RRAS2: variants seen among roughly 807,000 people sequenced by gnomAD.
RRAS2 encodes ras-related protein R-Ras2.
RRAS2 carries 7 observed loss-of-function variants against 27.6 expected under a neutral mutation model. The ratio of observed to expected loss-of-function variants is 0.25; its 90% CI spans 0.14 to 0.48. RRAS2 has a LOEUF of 0.48. Ranked by LOEUF, RRAS2 falls within the 20% of genes least tolerant of loss-of-function variation. RRAS2 has a pLI of 0.99. For missense variants in RRAS2, 178 were observed against 256.2 expected (o/e 0.69, Z 2.08); for synonymous variants, 86 against 90.9 (o/e 0.95, Z 0.31).
intron 4 of RRAS2, among the ~76,000 whole-genome samples, chr11:14,288,736 G>A (rs11023178): frequency 0.27 from 40,741 of 152,032 alleles, 6,172 homozygotes; most frequent in East Asian, 0.37. Context: ...CAAAAACACA[G>A]GTAGCAGCAG....
chr11:14,361,374 T>G (rs1849189423), upstream of RRAS2, among the ~76,000 whole-genome samples: 1 of 151,984 alleles, frequency 6.6e-6, no homozygotes, highest in South Asian at 2.1e-4. Context: ...CACAAAATCA[T>G]AAGCAAAACA....
chr11:14,300,888 C>T (rs782545647), intron 1 of RRAS2, among the ~76,000 whole-genome samples: 1 of 152,108 alleles, frequency 6.6e-6, no homozygotes, highest in Non-Finnish European at 1.5e-5. Flanking sequence ...AGTGTAGTTC[C>T]CAAACACTGC....
intron 1 of RRAS2, chr11:14,342,053 T>A (rs1347634595): frequency 2.8e-6 from 2 of 719,104 alleles, no homozygotes; most frequent in African/African-American, 3.8e-5. Context: ...TAGCCATCAA[T>A]TGCAGTTTTA....
intron 1 of RRAS2, among the ~76,000 whole-genome samples, chr11:14,301,998 A>C (rs1216398217): frequency 6.6e-6 from 1 of 151,380 alleles, no homozygotes; most frequent in African/African-American, 2.4e-5. Context: ...AAAATAAATA[A>C]ATAAAATTCA....
At chr11:14,355,157 A>AT (rs1433712016) in intron 1 of RRAS2, among the ~76,000 whole-genome samples, 3 of 152,014 alleles carry the variant, frequency 2.0e-5, no homozygotes, top group African/African-American at 7.3e-5. Context: ...AGTTAAATGA[A>AT]TAAAAAAAAA....
chr11:14,342,983 T>C (rs2134025298), intron 1 of RRAS2, among the ~76,000 whole-genome samples: 1 of 152,310 alleles, frequency 6.6e-6, no homozygotes, highest in East Asian at 1.9e-4. Context: ...AGTAATAATG[T>C]ATAGAATATT....
intron 4 of RRAS2, among the ~76,000 whole-genome samples, chr11:14,287,624 C>T (rs1211149504): frequency 6.6e-6 from 1 of 151,982 alleles, no homozygotes; most frequent in Non-Finnish European, 1.5e-5. Context: ...GTAATCCAAA[C>T]ACTTTGGGAG....
chr11:14,310,666 G>C (rs532151306), intron 1 of RRAS2, among the ~76,000 whole-genome samples: 1 of 152,280 alleles, frequency 6.6e-6, no homozygotes, highest in Admixed American at 6.5e-5. Context: ...GAAAGATTAA[G>C]TAGGGTGACC....
intron 1 of RRAS2, among the ~76,000 whole-genome samples, chr11:14,345,796 C>A (rs759223608): frequency 5.3e-5 from 8 of 152,186 alleles, no homozygotes; most frequent in Non-Finnish European, 1.0e-4. Context: ...TACTGATAAT[C>A]TCCAAGAAAC....
intron 1 of RRAS2, among the ~76,000 whole-genome samples, chr11:14,347,519 A>G (rs951441787): frequency 1.3e-5 from 2 of 152,176 alleles, no homozygotes; most frequent in Non-Finnish European, 2.9e-5. Flanking sequence ...ATGTATGTTT[A>G]AAAATATAAA....
intron 1 of RRAS2, among the ~76,000 whole-genome samples, chr11:14,315,388 T>C (rs1848076752): frequency 2.0e-5 from 3 of 152,202 alleles, no homozygotes. Context: ...ACTAGACACA[T>C]TCTAATAGAG....
At chr11:14,321,991 T>C (rs1350980502) in intron 1 of RRAS2, among the ~76,000 whole-genome samples, 1 of 152,166 alleles carries the variant, frequency 6.6e-6, no homozygotes, top group Non-Finnish European at 1.5e-5. Flanking sequence ...AATAAATCTA[T>C]TGACTATATA....
intron 1 of RRAS2, among the ~76,000 whole-genome samples, chr11:14,301,192 G>C (rs1430432864): frequency 1.3e-5 from 2 of 152,208 alleles, no homozygotes; most frequent in Admixed American, 1.3e-4. Flanking sequence ...GAAAAATACT[G>C]AATCTGGGCA....
intron 4 of RRAS2, among the ~76,000 whole-genome samples, chr11:14,290,923 T>C (rs1849794909): frequency 6.6e-6 from 1 of 152,214 alleles, no homozygotes; most frequent in Non-Finnish European, 1.5e-5. Flanking sequence ...TTGTAGCATG[T>C]TGTATGCTGA....
At chr11:14,350,752 G>C (rs1184017461) in intron 1 of RRAS2, among the ~76,000 whole-genome samples, 1 of 152,002 alleles carries the variant, frequency 6.6e-6, no homozygotes, top group African/African-American at 2.4e-5. Flanking sequence ...TTATGAATTT[G>C]TCTTGGGCCA....
At chr11:14,283,751 T>C (rs995343442) in intron 4 of RRAS2, among the ~76,000 whole-genome samples, 1 of 152,234 alleles carries the variant, frequency 6.6e-6, no homozygotes, top group Non-Finnish European at 1.5e-5. Context: ...AAAGTGAAGA[T>C]ACCGCTCTCA....
chr11:14,340,662 C>T (rs2134022195), intron 1 of RRAS2, among the ~76,000 whole-genome samples: 1 of 152,276 alleles, frequency 6.6e-6, no homozygotes, highest in South Asian at 2.1e-4. Flanking sequence ...GAGTTAGACC[C>T]TTAGTTCAGT....
intron 1 of RRAS2, among the ~76,000 whole-genome samples, chr11:14,334,859 C>G (rs979994853): frequency 2.0e-5 from 3 of 152,192 alleles, no homozygotes; most frequent in African/African-American, 4.8e-5. Flanking sequence ...AAGACACCTT[C>G]TTTTTCTAAA....
In RRAS2 at chr11:14,283,786, T is replaced by A. The variant is rs568013853; in HGVS notation, c.409-2066A>T. Among the ~76,000 whole-genome samples the A allele has an allele frequency of 3.9e-5, 6 of 152,308 alleles. No homozygotes were observed. The South Asian group carries it at 1.2e-3, about 32-fold the overall frequency. On this transcript the variant is annotated intron_variant, in intron 4 of 5. Coordinates refer to ENST00000256196, the MANE Select transcript of RRAS2 (RefSeq NM_012250.6). ...AATCCTGATATTGTGTCTTTTCTCT[T>A]TTTTATCTGATCATTCCGGCAAGAG...
Sources: gnomAD v4.1 joint callset for allele counts (sites outside exome capture counted in the v4.1 genomes callset) on GRCh38, gnomAD v4.1.1 for gene constraint, MANE v1.5 for transcripts, NCBI Gene and HGNC (gene_info 2026-07-23, HGNC 2026-07-21) for gene names.